The following TSR1 variants were observed in gnomAD, a reference collection of about 807,000 sequenced individuals.
TSR1 encodes TSR1 ribosome maturation factor.
In TSR1, 81 loss-of-function variants were observed where a neutral mutation model predicts 90.9. The ratio of observed to expected loss-of-function variants is 0.89; its 90% CI spans 0.74 to 1.07. The LOEUF (loss-of-function observed/expected upper bound fraction) is 1.07, where lower values mean the gene tolerates loss of function less well. Ranked by LOEUF, TSR1 falls within the 50% of genes least tolerant of loss-of-function variation. The probability of loss-of-function intolerance (pLI) is 0.00; values close to 1 mark genes in which losing one functional copy is unlikely to be tolerated. For missense variants in TSR1, 989 were observed against 987.3 expected (o/e 1.00, Z -0.02); for synonymous variants, 362 against 348.8 (o/e 1.04, Z -0.42).
Position 2,323,107 on chromosome 17 carries a change from TTAAGA to T in TSR1, c.*1084_*1088del. ...ATGCAGGCAATGTTGTGGTTTGTTG[TTAAGA>T]TGTCTTAATATTCCTCTTCCCAGGC... is the stretch of plus-strand genomic sequence containing the variant. On this transcript the variant is annotated 3_prime_UTR_variant, in exon 15 of 15. Transcript: ENST00000301364. The T allele has an allele frequency of 6.2e-7, 1 of 1,608,450 alleles. No homozygotes were observed. The highest frequency in any genetic ancestry group is 8.5e-7 in the Non-Finnish European group (1 of 1,174,900).
At position 2,335,539 on chromosome 17, in the gene TSR1, A is replaced by T. The variant is rs528517111; in HGVS notation, c.393T>A (p.His131Gln). 4 of 1,614,122 alleles carry T rather than the reference A, an allele frequency of 2.5e-6. No homozygotes were observed. The Admixed American group carries it at 6.7e-5, about 27-fold the overall frequency. ...NFMLLCPRLK[H>Q]RWFFTSARPG... is the part of the protein sequence containing the mutation. ...GCCTTGCTGAGGTGAAAAACCACCG[A>T]TGTTTCAAGCGGGGGCACAGCAGCA... The change falls in exon 3 of 15, where the codon CAT becomes CAA. Residue 131 changes from histidine to glutamine, a missense_variant. Transcript: ENST00000301364.
At chr17:2,330,318 G>A in intron 10 of TSR1, 197 bp downstream of exon 10, 2 of 711,780 alleles carry the variant, frequency 2.8e-6, no homozygotes. Context: ...GCATCACTGA[G>A]ATGCTTCAGA....
rs1251745006 is a variant in TSR1 at position 2,336,122 on chromosome 17, G to A, written c.116C>T (p.Thr39Ile). Residue 39 changes from threonine (T) to isoleucine (I), a missense_variant, in exon 2 of 15, where the codon ACC becomes ATC. Coordinates refer to ENST00000301364, the MANE Select transcript of TSR1 (RefSeq NM_018128.5). ...RDGKGRLALK[T>I]LSKKVRKELS... Reference sequence around the variant, plus strand: ...TTCTTTTCTCACCTTCTTGCTTAGGGTTTTCAGTGCCAGACGGCCTGAATG... The same window carrying A: ...TTCTTTTCTCACCTTCTTGCTTAGGATTTTCAGTGCCAGACGGCCTGAATG... 1.2e-6 allele frequency: 2 copies of A among 1,614,218 alleles called. No homozygotes were observed. The highest frequency in any genetic ancestry group is 8.5e-7 in the Non-Finnish European group (1 of 1,180,044).
In TSR1 at chr17:2,336,412, G is replaced by A. The variant is rs2064084736; in HGVS notation, c.16C>T (p.Pro6Ser). Residue 6 changes from proline to serine, a missense_variant, in exon 1 of 15, where the codon CCC becomes TCC. Coordinates refer to ENST00000301364, the MANE Select transcript of TSR1 (RefSeq NM_018128.5). MAAHR[P>S]GPLKQQNKAH... ...TTATTCTGCTGCTTGAGCGGGCCGG[G>A]GCGGTGGGCCGCCATGCCGCAGCGC... 5 of 1,611,600 alleles carry A rather than the reference G, an allele frequency of 3.1e-6. No individual in the cohort carries two copies. The highest frequency in any genetic ancestry group is 4.2e-6 in the Non-Finnish European group (5 of 1,179,974).
In TSR1 at chr17:2,336,348, G is replaced by A. The variant is rs374914683; in HGVS notation, c.80C>T (p.Ala27Val). 7 of 1,613,920 alleles carry A rather than the reference G, an allele frequency of 4.3e-6. No individual in the cohort carries two copies. Among genetic ancestry groups the A allele is most frequent in the African/African-American group, 1.3e-5 (1 of 74,940 alleles). Residue 27 changes from alanine (A) to valine (V), a missense_variant, in exon 1 of 15, where the codon GCA becomes GTA. Transcript: ENST00000301364. ...CTCCTTACCCTTGCCGTCCCGCTGT[G>A]CAGATCCCCGACCCCGATGCCGTCC... ...KGGRHRGRGS[A>V]QRDGKGRLAL...
At chr17:2,335,082 G>A (rs903849081) in intron 4 of TSR1, among the ~76,000 whole-genome samples, 178 bp downstream of exon 4, 2 of 152,082 alleles carry the variant, frequency 1.3e-5, no homozygotes, top group African/African-American at 2.4e-5. Flanking sequence ...CTGGGCAAAG[G>A]ACAGCCAAAA....
intron 1 of TSR1, 80 bp downstream of exon 1, chr17:2,336,251 A>G: frequency 1.2e-6 from 2 of 1,601,544 alleles, no homozygotes; most frequent in East Asian, 4.5e-5. Context: ...CAGACGGGAG[A>G]CAGAAGCTCA....
chr17:2,324,398 G>A (rs372240808), intron 14 of TSR1, 24 bp from the exon 15 acceptor site: 271 of 1,593,536 alleles, frequency 1.7e-4, no homozygotes, highest in Non-Finnish European at 2.2e-4. Flanking sequence ...AGAACAAGTC[G>A]GTCAAATTAA....
intron 6 of TSR1, 96 bp downstream of exon 6, chr17:2,333,461 A>T (rs1597278717): frequency 1.4e-6 from 2 of 1,472,204 alleles, no homozygotes; most frequent in African/African-American, 2.8e-5. Context: ...CTATACCCCC[A>T]CCCCACTCTA....
rs759757985 is a variant in TSR1 at position 2,333,061 on chromosome 17, G to C, written c.1205C>G (p.Ala402Gly). The change falls in exon 7 of 15, where the codon GCT (alanine) becomes GGT (glycine). Residue 402 changes from alanine to glycine, a missense_variant. Transcript: ENST00000301364. ...GCTGCCACCATCCAAAATCCATTCA[G>C]CTTGGTAACTGGATGTTCCTTTGGG... ...KVPKGTSSYQAEWILDGGSQS... is the reference protein window; with the variant it reads ...KVPKGTSSYQGEWILDGGSQS... 3.1e-6 allele frequency: 5 copies of C among 1,613,906 alleles called. No individual in the cohort carries two copies. The highest frequency in any genetic ancestry group is 2.7e-5 in the African/African-American group (2 of 74,850).
chr17:2,325,857 C>T (rs1383798945), intron 11 of TSR1, among the ~76,000 whole-genome samples: 1 of 152,188 alleles, frequency 6.6e-6, no homozygotes, highest in Non-Finnish European at 1.5e-5. Flanking sequence ...GTGATCCACC[C>T]ACCTCAATCT....
At chr17:2,333,404 T>G (rs2064021753) in intron 6 of TSR1, 153 bp downstream of exon 6, 1 of 983,676 alleles carries the variant, frequency 1.0e-6, no homozygotes, top group African/African-American at 1.6e-5. Flanking sequence ...GTATAATGTT[T>G]GTTTATTGAA....
rs2075557399 is a variant in TSR1, at chr17:2,324,022, G to C, written c.*174C>G. On this transcript the variant is annotated 3_prime_UTR_variant, in exon 15 of 15. Transcript: ENST00000301364. ...ATAGTTTTTTTTGGACTAAGTAGTG[G>C]AAAAACTTTTATACTTAACTGAGAC... is the stretch of plus-strand genomic sequence containing the variant. The C allele has an allele frequency of 4.2e-6, 5 of 1,188,070 alleles. No homozygotes were observed. The highest frequency in any genetic ancestry group is 3.1e-5 in the African/African-American group (2 of 65,106). The allele number at this position is 1,188,070 out of a possible 1,614,324, so 73.6% of individuals were successfully genotyped here.
chr17:2,322,826 G>T lies in TSR1; in HGVS notation c.*1370C>A. 2.9e-6 allele frequency: 1 copy of T among 345,416 alleles called. No homozygotes were observed. The highest frequency in any genetic ancestry group is 4.2e-5 in the Admixed American group (1 of 23,750). The allele number at this position is 345,416 out of a possible 1,614,324, so 21.4% of individuals were successfully genotyped here. A position where few individuals can be genotyped will look rare whatever the true frequency, so the allele number is the denominator to read the frequency against. Reference sequence around the variant, plus strand: ...CCACTGCGCCCCACCCCATTTTGGTGTGATCTCAGCTCACTGCAACCTACC... The same window carrying T: ...CCACTGCGCCCCACCCCATTTTGGTTTGATCTCAGCTCACTGCAACCTACC... On this transcript the variant is annotated 3_prime_UTR_variant, in exon 15 of 15. Coordinates refer to ENST00000301364, the MANE Select transcript of TSR1 (RefSeq NM_018128.5).
In TSR1 at chr17:2,322,789, T is replaced by A; in HGVS notation, c.*1407A>T. On this transcript the variant is annotated 3_prime_UTR_variant, in exon 15 of 15. Coordinates refer to ENST00000301364, the MANE Select transcript of TSR1 (RefSeq NM_018128.5). ...CCTCGGCCTCCCAAAGTGCTGGGATTACAGGCGTGAGCCACTGCGCCCCAC... is the reference window on the plus strand; with the variant it reads ...CCTCGGCCTCCCAAAGTGCTGGGATAACAGGCGTGAGCCACTGCGCCCCAC... 1 of 284,044 alleles carries A rather than the reference T, an allele frequency of 3.5e-6. No homozygotes were observed. The highest frequency in any genetic ancestry group is 9.1e-5 in the East Asian group (1 of 11,028). The allele number at this position is 284,044 out of a possible 1,614,324, so 17.6% of individuals were successfully genotyped here.
rs1414153900 is a variant in TSR1 at position 2,324,239 on chromosome 17, T to G, written c.2372A>C (p.Lys791Thr). 6.5e-7 allele frequency: 1 copy of G among 1,530,478 alleles called. No individual in the cohort carries two copies. The highest frequency in any genetic ancestry group is 2.3e-5 in the Admixed American group (1 of 44,004). The allele number at this position is 1,530,478 out of a possible 1,614,324, so 94.8% of individuals were successfully genotyped here. Reference protein sequence around the residue: ...PYVPEPVPWLKSEISSTVPQG... With the variant: ...PYVPEPVPWLTSEISSTVPQG... ...AGGCACTGTTGAAGAAATCTCACTT[T>G]TCAGCCAGGGTACTGGTTCTGGTAC... Residue 791 changes from lysine to threonine, a missense_variant, in exon 15 of 15, where the codon AAA becomes ACA. Coordinates refer to ENST00000301364, the MANE Select transcript of TSR1 (RefSeq NM_018128.5).
At position 2,323,924 on chromosome 17, in the gene TSR1, ATT is replaced by A; in HGVS notation, c.*270_*271del. On this transcript the variant is annotated 3_prime_UTR_variant, in exon 15 of 15. Transcript: ENST00000301364. ...TTCAGTGTCTTTAGATACTGAAGAC[ATT>A]TTGTTTCCTAGTATTGTCAACTCTT... The A allele has an allele frequency of 6.6e-7, 1 of 1,516,176 alleles. No individual in the cohort carries two copies. The highest frequency in any genetic ancestry group is 9.1e-7 in the Non-Finnish European group (1 of 1,099,108). 93.9% of individuals were successfully genotyped at this position (1,516,176 alleles called of 1,614,324 possible).
intron 5 of TSR1, among the ~76,000 whole-genome samples, chr17:2,334,234 T>G (rs1293196854): frequency 1.3e-5 from 2 of 152,190 alleles, no homozygotes; most frequent in Non-Finnish European, 2.9e-5. Flanking sequence ...TTAAGTCCCT[T>G]GAGGAAAGCA....
intron 6 of TSR1, 187 bp downstream of exon 6, chr17:2,333,370 T>A (rs1433569865): frequency 1.1e-6 from 1 of 901,846 alleles, no homozygotes; most frequent in Non-Finnish European, 1.8e-6. Context: ...ACACAAGTAA[T>A]TTTGAGAAAT....
Sources: gnomAD v4.1 joint callset for allele counts (sites outside exome capture counted in the v4.1 genomes callset) on GRCh38, gnomAD v4.1.1 for gene constraint, MANE v1.5 for transcripts, NCBI Gene and HGNC (gene_info 2026-07-23, HGNC 2026-07-21) for gene names.